Variants in SLIT2 observed in about 807,000 individuals in gnomAD.
The protein encoded by SLIT2 is slit homolog 2 protein.
SLIT2 carries 41 observed loss-of-function variants against 185.7 expected under a neutral mutation model. That is an observed-to-expected ratio of 0.22 (90% CI 0.17 to 0.29). The LOEUF (loss-of-function observed/expected upper bound fraction) is 0.29. Among genes scored for constraint, SLIT2 ranks in the 10% least tolerant of loss-of-function variants. The pLI, the probability that SLIT2 is intolerant of heterozygous loss-of-function variation, is 1.00. For missense variants in SLIT2, 1,571 were observed against 1,909.0 expected, an observed-to-expected ratio of 0.82 and a Z score of 3.30; for synonymous variants, 693 against 680.2, an observed-to-expected ratio of 1.02 and a Z score of -0.29.
chr4:20,270,046 T>C (rs1191141822), intron 4 of SLIT2, among the ~76,000 whole-genome samples: 1 of 151,940 alleles, frequency 6.6e-6, no homozygotes, highest in Non-Finnish European at 1.5e-5. Flanking sequence ...TGCTGCTCAA[T>C]TGGACCAATT....
chr4:20,607,512 T>C (rs751684861), intron 33 of SLIT2, among the ~76,000 whole-genome samples: 40 of 152,248 alleles, frequency 2.6e-4, no homozygotes, highest in Middle Eastern at 6.8e-3. Context: ...GTTTAAGACA[T>C]GTACTCCAAA....
Position 20,519,449 on chromosome 4 carries a change from C to A in SLIT2, c.1126C>A (p.Leu376Ile). ...ATTTGAAGGACTGTTTTCCTTACAGCTCCTGTAAGTATTTGATTGTTTTGG... is the reference window on the plus strand; with the variant it reads ...ATTTGAAGGACTGTTTTCCTTACAGATCCTGTAAGTATTTGATTGTTTTGG... ...SLFEGLFSLQ[L>I]LLLNANKINC... The change falls in exon 12 of 37, where the codon CTC becomes ATC. Residue 376 changes from leucine to isoleucine, a missense_variant. Physicochemically the swap from Leu to Ile is conservative, Grantham distance 5 (BLOSUM62 2). Transcript: ENST00000504154. 1 of 1,548,376 alleles carries A rather than the reference C, an allele frequency of 6.5e-7. No individual in the cohort carries two copies. Among genetic ancestry groups the A allele is most frequent in the Non-Finnish European group, 8.9e-7 (1 of 1,121,190 alleles).
intron 4 of SLIT2, among the ~76,000 whole-genome samples, chr4:20,382,716 T>G (rs1294882044): frequency 1.3e-5 from 2 of 152,098 alleles, no homozygotes. Context: ...ACTGTATCAG[T>G]TCTGTACCAA....
In SLIT2 at chr4:20,567,332, A is replaced by G. The variant is rs772255129; in HGVS notation, c.2796A>G (p.Thr932=). The G allele has an allele frequency of 6.2e-7, 1 of 1,613,088 alleles. No individual in the cohort carries two copies. The highest frequency in any genetic ancestry group is 2.2e-5 in the East Asian group (1 of 44,860). The part of the protein sequence containing the change: ...CLSNPCKNDG[T]CNSDPVDFYR... ...CAAATCCGTGTAAAAATGATGGCAC[A>G]TGTAATAGTGATCCAGTTGACTTTT... The change falls in exon 27 of 37, where the codon ACA becomes ACG. Residue 932 remains threonine, a synonymous_variant. Coordinates refer to ENST00000504154, the MANE Select transcript of SLIT2 (RefSeq NM_004787.4).
At chr4:20,274,778 C>T (rs531446332) in intron 4 of SLIT2, among the ~76,000 whole-genome samples, 266 of 149,774 alleles carry the variant, frequency 1.8e-3, no homozygotes, top group Non-Finnish European at 3.1e-3. Context: ...CTTATTTAAA[C>T]GACTGCTTTC....
At chr4:20,321,959 G>C (rs1482178551) in intron 4 of SLIT2, among the ~76,000 whole-genome samples, 4 of 151,838 alleles carry the variant, frequency 2.6e-5, no homozygotes, top group Non-Finnish European at 5.9e-5. Context: ...GCCCAGACCA[G>C]ATCTGCTAAA....
chr4:20,567,980 T>G (rs1295984626), intron 28 of SLIT2, among the ~76,000 whole-genome samples: 3 of 152,066 alleles, frequency 2.0e-5, no homozygotes, highest in Non-Finnish European at 4.4e-5. Flanking sequence ...GCTTATTGCT[T>G]TAACAGACAG....
At chr4:20,405,795 T>C (rs547757931) in intron 4 of SLIT2, among the ~76,000 whole-genome samples, 1 of 152,122 alleles carries the variant, frequency 6.6e-6, no homozygotes, top group Admixed American at 6.6e-5. Flanking sequence ...TATTTTTAAA[T>C]TAATTTAATT....
At chr4:20,503,404 TAGTA>T (rs1260149740) in intron 9 of SLIT2, among the ~76,000 whole-genome samples, 3 of 152,178 alleles carry the variant, frequency 2.0e-5, no homozygotes, top group Non-Finnish European at 2.9e-5. Context: ...GTCTAATTCA[TAGTA>T]AGTGTCTAAA....
In SLIT2 at chr4:20,617,433, C is replaced by A; in HGVS notation, c.4137-6C>A. ...ATTCCCACTCCTGTGTTCCTCCTCC[C>A]TGTAGATGCGTACATGGCACCTGCT... On this transcript the variant is annotated splice_polypyrimidine_tract_variant and splice_region_variant and intron_variant, in intron 35 of 36. Transcript: ENST00000504154. 3 of 1,613,084 alleles carry A rather than the reference C, an allele frequency of 1.9e-6. No individual in the cohort carries two copies. The highest frequency in any genetic ancestry group is 2.5e-6 in the Non-Finnish European group (3 of 1,179,142).
intron 11 of SLIT2, among the ~76,000 whole-genome samples, chr4:20,516,080 G>A (rs944898251): frequency 6.6e-5 from 10 of 152,238 alleles, no homozygotes; most frequent in African/African-American, 2.4e-4. Flanking sequence ...CTCCCAAAGT[G>A]CTGGGACTAC....
intron 4 of SLIT2, among the ~76,000 whole-genome samples, chr4:20,282,219 C>T (rs2109058734): frequency 6.6e-6 from 1 of 152,242 alleles, no homozygotes; most frequent in East Asian, 1.9e-4. Context: ...GAAAAGTGGT[C>T]TCTAATTTAA....
rs77665208 is a variant in SLIT2 at position 20,592,019 on chromosome 4, T to C, written c.3182+2282T>C. Reference sequence around the variant, plus strand: ...TTTGTAAGCTCGTTTCATAGCTGTATGTAGGTAGTTTAGCAGAAAACGGTT... The same window carrying C: ...TTTGTAAGCTCGTTTCATAGCTGTACGTAGGTAGTTTAGCAGAAAACGGTT... On this transcript the variant is annotated intron_variant, in intron 30 of 36. Transcript: ENST00000504154. Among the ~76,000 whole-genome samples the C allele has an allele frequency of 2.3e-3, 346 of 152,280 alleles. 2 individuals are homozygous for C. The highest frequency in any genetic ancestry group is 9.3e-3 in the East Asian group (48 of 5,172).
rs1560455422 is a variant in SLIT2 at position 20,472,591 on chromosome 4, T to TCTATATCG, written c.467+4768_467+4769insCTATATCG. On this transcript the variant is annotated intron_variant, in intron 5 of 36. Transcript: ENST00000504154. ...ATATATAGATATATCTATATATAGA[T>TCTATATCG]ATATATCTATAGATATATCTATATA... is the stretch of plus-strand genomic sequence containing the variant. Among the ~76,000 whole-genome samples, 2 of 14,984 alleles carry TCTATATCG rather than the reference T, an allele frequency of 1.3e-4. 1 individual carries two copies. The highest frequency in any genetic ancestry group is 2.1e-4 in the Non-Finnish European group (2 of 9,600). 9.8% of individuals were successfully genotyped at this position (14,984 alleles called of 152,430 possible). A position where few individuals can be genotyped will look rare whatever the true frequency, so the allele number is the denominator to read the frequency against.
chr4:20,597,724 A>G (rs985648624), intron 32 of SLIT2, among the ~76,000 whole-genome samples: 40 of 152,178 alleles, frequency 2.6e-4, no homozygotes, highest in Non-Finnish European at 5.7e-4. Flanking sequence ...ATGATTCTCT[A>G]CCTTCCAGTG....
Position 20,480,699 on chromosome 4 carries a change from TC to T in SLIT2, c.468-16del. Reference sequence around the variant, plus strand: ...TGTCCATCCCTTCTACATATATTCTTCTAATCTTTTTAACAGGCAACTGGAT... The same window carrying T: ...TGTCCATCCCTTCTACATATATTCTTTAATCTTTTTAACAGGCAACTGGAT... On this transcript the variant is annotated splice_polypyrimidine_tract_variant and intron_variant, in intron 5 of 36. Transcript: ENST00000504154. The T allele has an allele frequency of 1.2e-6, 2 of 1,603,242 alleles. No individual in the cohort carries two copies. The highest frequency in any genetic ancestry group is 1.7e-6 in the Non-Finnish European group (2 of 1,170,166).
chr4:20,616,717 A>C (rs929518407), intron 34 of SLIT2, 193 bp from the exon 35 acceptor site: 1 of 476,004 alleles, frequency 2.1e-6, no homozygotes, highest in South Asian at 6.0e-5. Context: ...AATTTCCTGG[A>C]GCATCTTCCA....
chr4:20,474,245 T>C (rs1715865825), intron 5 of SLIT2, among the ~76,000 whole-genome samples: 1 of 151,852 alleles, frequency 6.6e-6, no homozygotes, highest in South Asian at 2.1e-4. Flanking sequence ...TAAAAAGGGG[T>C]TGTCTCAGGC....
At chr4:20,393,575 C>CA (rs1221535958) in intron 4 of SLIT2, 2 of 151,898 alleles carry the variant, frequency 1.3e-5, no homozygotes, top group Admixed American at 6.6e-5. Context: ...GAAAAAACAC[C>CA]AGGCTTGTTC....
Sources: gnomAD v4.1 joint callset for allele counts (sites outside exome capture counted in the v4.1 genomes callset) on GRCh38, gnomAD v4.1.1 for gene constraint, MANE v1.5 for transcripts, NCBI Gene and HGNC (gene_info 2026-07-23, HGNC 2026-07-21) for gene names.